Variants in CEP128 observed in about 807,000 individuals in gnomAD.
The protein encoded by CEP128 is centrosomal protein 128.
CEP128 carries 132 observed loss-of-function variants against 156.7 expected under a neutral mutation model. The observed-to-expected ratio is 0.84, with a 90% confidence interval of 0.73 to 0.97. CEP128 has a LOEUF of 0.97. CEP128 is among the 50% of genes least tolerant of loss of function. The pLI, the probability that CEP128 is intolerant of heterozygous loss-of-function variation, is 0.00. For synonymous variants in CEP128, 469 were observed against 448.9 expected (o/e 1.04, Z -0.57); for missense variants, 1,252 against 1,281.9 (o/e 0.98, Z 0.36).
intron 13 of CEP128, among the ~76,000 whole-genome samples, chr14:80,799,420 T>G (rs1883697056): frequency 6.6e-6 from 1 of 152,184 alleles, no homozygotes; most frequent in South Asian, 2.1e-4. Flanking sequence ...TATGTGTGTT[T>G]GAACAATATG....
chr14:80,909,371 T>TCACA (rs36082524), intron 4 of CEP128, among the ~76,000 whole-genome samples: 5,928 of 142,340 alleles, frequency 0.042, 166 homozygotes, highest in African/African-American at 0.071. Flanking sequence ...AAGTGAATTT[T>TCACA]CACACACACA....
intron 15 of CEP128, among the ~76,000 whole-genome samples, chr14:80,780,783 T>C (rs1901065314): frequency 6.6e-6 from 1 of 152,214 alleles, no homozygotes; most frequent in Non-Finnish European, 1.5e-5. Context: ...ACATTTCAAC[T>C]TATAGCCACT....
At chr14:80,630,147 C>T (rs10220635) in intron 19 of CEP128, among the ~76,000 whole-genome samples, 4,269 of 151,958 alleles carry the variant, frequency 0.028, 206 homozygotes, top group African/African-American at 0.097. Context: ...ATCGGTTATA[C>T]TAGTGGTTTA....
chr14:80,640,625 C>A (rs1400990137), intron 19 of CEP128, among the ~76,000 whole-genome samples: 1 of 152,100 alleles, frequency 6.6e-6, no homozygotes, highest in Non-Finnish European at 1.5e-5. Flanking sequence ...TTTACCATCC[C>A]CTTCAATGTG....
chr14:80,772,477 A>G lies in CEP128; in HGVS notation c.2376+5405T>C, dbSNP rs139272128. Among the ~76,000 whole-genome samples, 17 of 152,042 alleles carry G rather than the reference A, an allele frequency of 1.1e-4. No homozygotes were observed. The East Asian group carries it at 3.3e-3, about 29-fold the overall frequency. On this transcript the variant is annotated intron_variant, in intron 16 of 24. Transcript: ENST00000555265. ...ACAGCCACCTCCATCACTCAATAAA[A>G]CCGTGCATTCATCCTTCAAGTCCAT...
chr14:80,555,013 T>C (rs572517352), intron 21 of CEP128, among the ~76,000 whole-genome samples: 1 of 152,050 alleles, frequency 6.6e-6, no homozygotes, highest in Non-Finnish European at 1.5e-5. Flanking sequence ...GAAGGACCTA[T>C]TTAGATCCTG....
intron 13 of CEP128, among the ~76,000 whole-genome samples, chr14:80,820,510 T>G (rs1168265161): frequency 6.6e-6 from 1 of 152,222 alleles, no homozygotes; most frequent in Non-Finnish European, 1.5e-5. Flanking sequence ...CCTCTGAGCA[T>G]CCCAATCGTG....
chr14:80,823,758 C>T (rs1448054076), intron 13 of CEP128, among the ~76,000 whole-genome samples: 1 of 152,228 alleles, frequency 6.6e-6, no homozygotes, highest in African/African-American at 2.4e-5. Flanking sequence ...CTTTCACGGA[C>T]TGGCACTGAG....
chr14:80,761,984 T>C (rs1414627097), intron 16 of CEP128, among the ~76,000 whole-genome samples: 1 of 152,076 alleles, frequency 6.6e-6, no homozygotes, highest in Non-Finnish European at 1.5e-5. Flanking sequence ...TGAACATTAG[T>C]AAAACACCAG....
In CEP128 at chr14:80,553,091, T is replaced by TA. The variant is rs1555374106; in HGVS notation, c.2880+6187dup. Reference sequence around the variant, plus strand: ...TCTTTCTTTCTTTCTTTCTTTTTTTTAATTATACTTTAAGGTCTGGGATAC... The same window carrying TA: ...TCTTTCTTTCTTTCTTTCTTTTTTTTAAATTATACTTTAAGGTCTGGGATAC... On this transcript the variant is annotated intron_variant, in intron 21 of 24. Coordinates refer to ENST00000555265, the MANE Select transcript of CEP128 (RefSeq NM_152446.5). Among the ~76,000 whole-genome samples the TA allele has an allele frequency of 7.9e-5, 12 of 151,924 alleles. No individual in the cohort carries two copies. In the South Asian group the frequency reaches 1.9e-3, roughly 24 times the overall value.
intron 14 of CEP128, among the ~76,000 whole-genome samples, chr14:80,483,654 A>G (rs971194156): frequency 6.6e-6 from 1 of 152,230 alleles, no homozygotes; most frequent in Non-Finnish European, 1.5e-5. Flanking sequence ...GATGGTTGAG[A>G]GTATAGATGG....
Position 80,548,742 on chromosome 14 carries a change from C to T in CEP128, c.2880+10537G>A, listed in dbSNP as rs76511951. Among the ~76,000 whole-genome samples, 33 of 152,270 alleles carry T rather than the reference C, an allele frequency of 2.2e-4. No homozygotes were observed. In the East Asian group the frequency reaches 5.6e-3, roughly 26 times the overall value. On this transcript the variant is annotated intron_variant, in intron 21 of 24. Coordinates refer to ENST00000555265, the MANE Select transcript of CEP128 (RefSeq NM_152446.5). ...TTAGAAAGGCAGTATGACTACTTAT[C>T]GGCATCAAATACGACACTGTCAGTC...
chr14:80,672,164 T>C (rs925677677), intron 19 of CEP128, among the ~76,000 whole-genome samples: 2 of 152,066 alleles, frequency 1.3e-5, no homozygotes, highest in Non-Finnish European at 1.5e-5. Flanking sequence ...AACAAATCTA[T>C]ACAATTCATT....
At chr14:80,488,150 G>A (rs4526953), downstream of CEP128, among the ~76,000 whole-genome samples, 1 of 91,420 alleles carries the variant, frequency 1.1e-5, no homozygotes, top group South Asian at 4.2e-4. Flanking sequence ...AAGAAGAAAA[G>A]AGAGAAGAAT....
In CEP128 at chr14:80,916,420, G is replaced by T; in HGVS notation, c.128C>A (p.Thr43Asn). Reference sequence around the variant, plus strand: ...ACTAACCTGTAAAGTACTTGTTATAGTGTTGACCTTCTCGGTAACTTCTAC... The same window carrying T: ...ACTAACCTGTAAAGTACTTGTTATATTGTTGACCTTCTCGGTAACTTCTAC... ...PTVEVTEKVN[T>N]ITSTLQDTSR... Residue 43 changes from threonine to asparagine, a missense_variant, in exon 3 of 25, where the codon ACT becomes AAT. Thr to Asn is a moderately conservative substitution (Grantham distance 65). Transcript: ENST00000555265. The T allele has an allele frequency of 6.2e-7, 1 of 1,613,846 alleles. No homozygotes were observed. Among genetic ancestry groups the T allele is most frequent in the Admixed American group, 1.7e-5 (1 of 59,992 alleles).
intron 19 of CEP128, among the ~76,000 whole-genome samples, chr14:80,605,614 CAA>C (rs2140553848): frequency 6.6e-6 from 1 of 152,064 alleles, no homozygotes; most frequent in East Asian, 1.9e-4. Context: ...GAAAAAAGAA[CAA>C]AGTGGATTTT....
chr14:80,889,269 GA>G (rs2139361779), intron 8 of CEP128, among the ~76,000 whole-genome samples: 1 of 152,096 alleles, frequency 6.6e-6, no homozygotes, highest in Non-Finnish European at 1.5e-5. Context: ...CACAGAATTA[GA>G]AAAACTACTT....
intron 14 of CEP128, among the ~76,000 whole-genome samples, chr14:80,482,093 G>A (rs564424372): frequency 6.6e-6 from 1 of 152,156 alleles, no homozygotes; most frequent in Admixed American, 6.5e-5. Flanking sequence ...ATGAAGACAG[G>A]AGTTAAGAGA....
intron 21 of CEP128, among the ~76,000 whole-genome samples, chr14:80,551,430 C>T (rs371675039): frequency 2.0e-5 from 3 of 152,190 alleles, no homozygotes; most frequent in African/African-American, 7.2e-5. Flanking sequence ...CCCAGACCTA[C>T]AGATTGGCAA....
Sources: gnomAD v4.1 joint callset for allele counts (sites outside exome capture counted in the v4.1 genomes callset) on GRCh38, gnomAD v4.1.1 for gene constraint, MANE v1.5 for transcripts, NCBI Gene and HGNC (gene_info 2026-07-23, HGNC 2026-07-21) for gene names.